Variants in ABLIM3 observed in about 807,000 individuals in gnomAD.
ABLIM3 encodes the protein actin binding LIM protein family member 3.
A neutral mutation model predicts 109.5 loss-of-function variants in ABLIM3; 61 were observed. The ratio of observed to expected loss-of-function variants is 0.56; its 90% CI spans 0.45 to 0.69. The LOEUF (loss-of-function observed/expected upper bound fraction) is 0.69. ABLIM3 is among the 30% of genes least tolerant of loss of function. ABLIM3 has a pLI of 0.00. For missense variants in ABLIM3, 796 were observed against 889.5 expected (o/e 0.89, Z 1.34); for synonymous variants, 300 against 324.8 (o/e 0.92, Z 0.82).
rs143929547 is a variant in ABLIM3, at chr5:149,240,759, C to A, written c.1288C>A (p.His430Asn). Residue 430 changes from histidine to asparagine, a missense_variant, in exon 14 of 24, where the codon CAC becomes AAC. His to Asn is a moderately conservative substitution (Grantham distance 68). Transcript: ENST00000309868. ...STPTSYQAPK[H>N]FHIPAGDSNI... Reference sequence around the variant, plus strand: ...TCCAACCTCTTACCAGGCTCCCAAGCACTTTCACATCCCAGGTAGGCACTG... The same window carrying A: ...TCCAACCTCTTACCAGGCTCCCAAGAACTTTCACATCCCAGGTAGGCACTG... 1.3e-5 allele frequency: 21 copies of A among 1,614,030 alleles called. No homozygotes were observed. Among genetic ancestry groups the A allele is most frequent in the Non-Finnish European group, 1.7e-5 (20 of 1,180,032 alleles).
chr5:149,154,937 G>A (rs915225107), intron 2 of ABLIM3, among the ~76,000 whole-genome samples: 7 of 152,186 alleles, frequency 4.6e-5, no homozygotes, highest in African/African-American at 1.7e-4. Flanking sequence ...TACAAAGAAG[G>A]AAATTGAAGC....
At chr5:149,153,721 A>G (rs1010713346) in intron 2 of ABLIM3, among the ~76,000 whole-genome samples, 1 of 152,186 alleles carries the variant, frequency 6.6e-6, no homozygotes, top group Non-Finnish European at 1.5e-5. Flanking sequence ...GCAGCTCCAC[A>G]TGTTGGTTTT....
At position 149,142,050 on chromosome 5, in the gene ABLIM3, C is replaced by T. The variant is rs766197670; in HGVS notation, c.-46C>T. 1.9e-6 allele frequency: 3 copies of T among 1,614,038 alleles called. No homozygotes were observed. Among genetic ancestry groups the T allele is most frequent in the South Asian group, 2.2e-5 (2 of 91,080 alleles). On this transcript the variant is annotated 5_prime_UTR_variant, in exon 2 of 24. Transcript: ENST00000309868. ...GAAGAACGGAAGATTTAAAAAGCAG[C>T]CGGGGCCTCCGTATTGAATGAAAGA...
chr5:149,251,761 C>G (rs765009476), intron 21 of ABLIM3, among the ~76,000 whole-genome samples: 1 of 152,166 alleles, frequency 6.6e-6, no homozygotes, highest in Non-Finnish European at 1.5e-5. Flanking sequence ...GCACACTGTT[C>G]CCAGTAAGAA....
At chr5:149,230,544 G>A in intron 8 of ABLIM3, 105 bp from the exon 9 acceptor site, 3 of 1,233,912 alleles carry the variant, frequency 2.4e-6, no homozygotes, top group African/African-American at 1.5e-5. Flanking sequence ...TCTGGCAGAT[G>A]TGTAAGGGAC....
intron 15 of ABLIM3, 113 bp from the exon 16 acceptor site, chr5:149,244,768 C>G: frequency 7.3e-7 from 1 of 1,364,184 alleles, no homozygotes; most frequent in South Asian, 1.3e-5. Context: ...GAGCCCTGAT[C>G]TTGAAGTGGA....
intron 7 of ABLIM3, among the ~76,000 whole-genome samples, chr5:149,216,260 T>G (rs1240378611): frequency 6.6e-6 from 1 of 152,338 alleles, no homozygotes; most frequent in East Asian, 1.9e-4. Flanking sequence ...TTAAGTGTCT[T>G]GAGGTTGGCT....
chr5:149,237,537 C>T lies in ABLIM3; in HGVS notation c.978C>T (p.Leu326=), dbSNP rs1195910507. 1 of 1,614,116 alleles carries T rather than the reference C, an allele frequency of 6.2e-7. No homozygotes were observed. Among genetic ancestry groups the T allele is most frequent in the East Asian group, 2.2e-5 (1 of 44,902 alleles). The change falls in exon 11 of 24, where the codon CTC becomes CTT. Residue 326 remains leucine, a synonymous_variant. Transcript: ENST00000309868. ...KSIYEVQRPD[L]ISYEPHSRYM... ...TCTACGAGGTACAACGCCCCGACCT[C>T]ATTTCCTATGAGCCTCATTCCAGAT...
At chr5:149,238,001 C>G (rs957893556) in intron 11 of ABLIM3, among the ~76,000 whole-genome samples, 3 of 152,194 alleles carry the variant, frequency 2.0e-5, no homozygotes, top group African/African-American at 4.8e-5. Flanking sequence ...GCCCAAGGCG[C>G]TCATCTCCTG....
intron 23 of ABLIM3, among the ~76,000 whole-genome samples, chr5:149,256,064 G>A (rs1369403175): frequency 6.6e-6 from 1 of 152,164 alleles, no homozygotes; most frequent in Non-Finnish European, 1.5e-5. Flanking sequence ...CTGCTTTAAC[G>A]CCTTTCTGTG....
chr5:149,239,725 C>A, intron 12 of ABLIM3, 34 bp from the exon 13 acceptor site: 2 of 1,547,584 alleles, frequency 1.3e-6, no homozygotes, highest in South Asian at 1.2e-5. Flanking sequence ...CACTTAACAG[C>A]CAGCCATGCT....
rs1163600600 is a variant in ABLIM3, at chr5:149,233,286, A to G, written c.874A>G (p.Asn292Asp). The G allele has an allele frequency of 6.2e-7, 1 of 1,614,046 alleles. No homozygotes were observed. Among genetic ancestry groups the G allele is most frequent in the East Asian group, 2.2e-5 (1 of 44,898 alleles). Reference protein sequence around the residue: ...SPPGSSIGSPNRVICAKVDNE... With the variant: ...SPPGSSIGSPDRVICAKVDNE... ...CCCTGGATCCAGCATTGGGTCACCC[A>G]ACCGAGTCATCTGCGTATGTATCAC... is the stretch of plus-strand genomic sequence containing the variant. The change falls in exon 10 of 24, where the codon AAC (asparagine) becomes GAC (aspartate). Residue 292 changes from asparagine (N) to aspartate (D), a missense_variant. Transcript: ENST00000309868.
rs1754787144 is a variant in ABLIM3 at position 149,260,243 on chromosome 5, T to A, written c.*1839T>A. On this transcript the variant is annotated 3_prime_UTR_variant, in exon 24 of 24. Coordinates refer to ENST00000309868, the MANE Select transcript of ABLIM3 (RefSeq NM_014945.5). ...AAGTCTGCTGTGTTCTCATGTAGGA[T>A]GTCAGCCCTCCCTGCAACTTCTCTT... is the stretch of plus-strand genomic sequence containing the variant. 1 of 152,642 alleles carries A rather than the reference T, an allele frequency of 6.6e-6. No homozygotes were observed. Among genetic ancestry groups the A allele is most frequent in the African/African-American group, 2.4e-5 (1 of 41,442 alleles). The allele number at this position is 152,642 out of a possible 1,614,324, so 9.5% of individuals were successfully genotyped here. A position where few individuals can be genotyped will look rare whatever the true frequency, so the allele number is the denominator to read the frequency against.
chr5:149,229,901 G>T (rs1035278313), intron 8 of ABLIM3, among the ~76,000 whole-genome samples: 1 of 152,172 alleles, frequency 6.6e-6, no homozygotes, highest in African/African-American at 2.4e-5. Context: ...AAATGTGGGC[G>T]TTAGCAGTAT....
At chr5:149,233,098 A>C (rs772328749) in intron 9 of ABLIM3, 131 bp from the exon 10 acceptor site, 11 of 784,352 alleles carry the variant, frequency 1.4e-5, no homozygotes, top group Admixed American at 6.6e-5. Context: ...GAGAATAAAA[A>C]GGAAGTACAG....
chr5:149,164,202 G>A (rs1408790569), intron 2 of ABLIM3: 3 of 152,204 alleles, frequency 2.0e-5, no homozygotes, highest in Admixed American at 6.5e-5. Flanking sequence ...TGTGCTGGTT[G>A]TTTCGTGGGA....
intron 19 of ABLIM3, 97 bp from the exon 20 acceptor site, chr5:149,250,350 G>A (rs1005032164): frequency 4.7e-6 from 6 of 1,267,982 alleles, no homozygotes; most frequent in Middle Eastern, 3.8e-4. Flanking sequence ...TTCCTGCTAG[G>A]TTGGGAGCAG....
chr5:149,213,848 A>G (rs546396825), intron 7 of ABLIM3, among the ~76,000 whole-genome samples: 27 of 151,580 alleles, frequency 1.8e-4, no homozygotes, highest in African/African-American at 6.5e-4. Flanking sequence ...AGAGACTTTT[A>G]GCAATCAACT....
At chr5:149,211,410 T>C (rs1759542844) in intron 7 of ABLIM3, among the ~76,000 whole-genome samples, 1 of 152,092 alleles carries the variant, frequency 6.6e-6, no homozygotes, top group South Asian at 2.1e-4. Flanking sequence ...CTATACCCTG[T>C]GGGCCTGGAA....
Sources: allele counts gnomAD v4.1 joint callset (sites outside exome capture counted in the v4.1 genomes callset), GRCh38; gene constraint gnomAD v4.1.1; transcripts MANE v1.5; gene names NCBI Gene and HGNC (gene_info 2026-07-23, HGNC 2026-07-21).